Variants in GRXCR2 observed in about 807,000 individuals in gnomAD.
GRXCR2 encodes glutaredoxin and cysteine rich domain containing 2, also known as glutaredoxin domain-containing cysteine-rich protein 2.
GRXCR2 carries 23 observed loss-of-function variants against 24.8 expected under a neutral mutation model. That is an observed-to-expected ratio of 0.93 (90% CI 0.67 to 1.32). The LOEUF (loss-of-function observed/expected upper bound fraction) is 1.32, where lower values mean the gene tolerates loss of function less well. GRXCR2 is among the 40% of genes most tolerant of loss of function. The probability of loss-of-function intolerance (pLI) is 0.00; values close to 1 mark genes in which losing one functional copy is unlikely to be tolerated. For missense variants in GRXCR2, 315 were observed against 303.4 expected (o/e 1.04, Z -0.28); for synonymous variants, 130 against 116.1 (o/e 1.12, Z -0.77).
At chr5:145,904,484 C>CT (rs1335302892) in intron 2 of GRXCR2, among the ~76,000 whole-genome samples, 1 of 152,244 alleles carries the variant, frequency 6.6e-6, no homozygotes, top group East Asian at 1.9e-4. Context: ...TCCTAACCCA[C>CT]TGAGGAGGTA....
intron 1 of GRXCR2, 70 bp from the exon 2 acceptor site, chr5:145,866,798 C>T: frequency 1.0e-6 from 1 of 956,252 alleles, no homozygotes; most frequent in Non-Finnish European, 1.7e-6. Flanking sequence ...AGAACCTGTC[C>T]AACATACCAG....
intron 2 of GRXCR2, among the ~76,000 whole-genome samples, chr5:145,906,396 C>T (rs752286811): frequency 4.6e-5 from 7 of 151,922 alleles, no homozygotes; most frequent in Admixed American, 1.3e-4. Context: ...CATTGCTTAT[C>T]CGATAGCATG....
intron 2 of GRXCR2, among the ~76,000 whole-genome samples, chr5:145,903,104 G>A (rs1757045613): frequency 6.6e-6 from 1 of 152,126 alleles, no homozygotes; most frequent in African/African-American, 2.4e-5. Flanking sequence ...ATTGTGCCTA[G>A]CCCCCTAAAA....
At chr5:145,883,322 G>C (rs1299159930) in intron 2 of GRXCR2, among the ~76,000 whole-genome samples, 1 of 152,146 alleles carries the variant, frequency 6.6e-6, no homozygotes, top group Non-Finnish European at 1.5e-5. Flanking sequence ...TTTCCATAAT[G>C]AGCAAGTACT....
intron 2 of GRXCR2, among the ~76,000 whole-genome samples, chr5:145,920,662 G>A (rs552368940): frequency 6.6e-6 from 1 of 152,304 alleles, no homozygotes; most frequent in East Asian, 1.9e-4. Flanking sequence ...TCGTTCCTAT[G>A]GAAACCAGAA....
chr5:145,915,286 T>C (rs959089057), intron 2 of GRXCR2, among the ~76,000 whole-genome samples: 2 of 152,178 alleles, frequency 1.3e-5, no homozygotes, highest in African/African-American at 4.8e-5. Flanking sequence ...TTTTGGGTAG[T>C]GTTAATCAGT....
chr5:145,889,046 C>T (rs762168451), intron 2 of GRXCR2, among the ~76,000 whole-genome samples: 2 of 151,662 alleles, frequency 1.3e-5, no homozygotes, highest in African/African-American at 2.4e-5. Context: ...TGGTGGCAGG[C>T]GCCTGTAATC....
chr5:145,872,287 G>A (rs566461889), intron 1 of GRXCR2, among the ~76,000 whole-genome samples: 2 of 152,238 alleles, frequency 1.3e-5, no homozygotes, highest in African/African-American at 2.4e-5. Flanking sequence ...GAAACAAAAT[G>A]ACTGCATAAT....
downstream of GRXCR2, among the ~76,000 whole-genome samples, chr5:145,857,733 G>A (rs1756262016): frequency 6.6e-6 from 1 of 152,184 alleles, no homozygotes; most frequent in Non-Finnish European, 1.5e-5. Flanking sequence ...AGAAGCTGAG[G>A]TTGCTCACAC....
intron 2 of GRXCR2, among the ~76,000 whole-genome samples, chr5:145,915,414 G>T (rs1757222720): frequency 1.3e-5 from 2 of 152,136 alleles, no homozygotes; most frequent in Non-Finnish European, 2.9e-5. Flanking sequence ...AAAAACCAGA[G>T]ATTATTCTCC....
Position 145,890,684 on chromosome 5 carries a change from C to A in GRXCR2, c.-69-23956G>T, listed in dbSNP as rs542989365. ...CACAAAAACACAGCTAAACACATAG[C>A]CTGCAGACCCTGTAGAGCAAAAACA... On this transcript the variant is annotated intron_variant, in intron 2 of 3. Coordinates refer to the GRXCR2 transcript ENST00000639411. Among the ~76,000 whole-genome samples, 8 of 152,144 alleles carry A rather than the reference C, an allele frequency of 5.3e-5. No individual in the cohort carries two copies. The South Asian group carries it at 1.7e-3, about 32-fold the overall frequency.
At chr5:145,926,387 C>T (rs943026415) in intron 2 of GRXCR2, among the ~76,000 whole-genome samples, 1 of 152,108 alleles carries the variant, frequency 6.6e-6, no homozygotes, top group African/African-American at 2.4e-5. Context: ...TTTAATCCAT[C>T]TTGAATTAAT....
intron 2 of GRXCR2, among the ~76,000 whole-genome samples, chr5:145,861,058 C>T (rs1025047984): frequency 6.6e-6 from 1 of 151,834 alleles, no homozygotes; most frequent in Admixed American, 6.6e-5. Context: ...AGATCGAAAC[C>T]TGCTAAATTC....
chr5:145,904,296 G>A lies in GRXCR2; in HGVS notation c.-70+31405C>T, dbSNP rs535419660. Among the ~76,000 whole-genome samples the A allele has an allele frequency of 2.0e-5, 3 of 152,314 alleles. No homozygotes were observed. The South Asian group carries it at 6.2e-4, about 32-fold the overall frequency. On this transcript the variant is annotated intron_variant, in intron 2 of 3. Transcript: ENST00000639411. ...GAACCAGCATCGCTGAGGAAACATG[G>A]GATGGTAGATCCAGAGTAGGGCCCA...
Position 145,858,613 on chromosome 5 carries a change from A to C in GRXCR2, c.*1120T>G, listed in dbSNP as rs1756279496. The C allele has an allele frequency of 6.6e-6, 1 of 152,250 alleles. No individual in the cohort carries two copies. Among genetic ancestry groups the C allele is most frequent in the Non-Finnish European group, 1.5e-5 (1 of 68,046 alleles). 9.4% of individuals were successfully genotyped at this position (152,250 alleles called of 1,614,324 possible). A position where few individuals can be genotyped will look rare whatever the true frequency, so the allele number is the denominator to read the frequency against. On this transcript the variant is annotated 3_prime_UTR_variant, in exon 3 of 3. Transcript: ENST00000377976. ...AACGCTGAATATTAGAGAATAACAA[A>C]CAAATCTTGAGAAATTATTAAGTTA...
chr5:145,876,204 TATATATATATATAC>T (rs1490369341), upstream of GRXCR2, among the ~76,000 whole-genome samples: 6 of 141,302 alleles, frequency 4.2e-5, no homozygotes, highest in East Asian at 4.1e-4. Flanking sequence ...TATATATATA[TATATATATATATAC>T]ACACACACAC....
chr5:145,877,636 A>T (rs1178387683), upstream of GRXCR2, among the ~76,000 whole-genome samples: 2 of 152,242 alleles, frequency 1.3e-5, no homozygotes, highest in Non-Finnish European at 2.9e-5. Context: ...TGCAGCTCCC[A>T]AAGTGATCAA....
chr5:145,890,785 T>C (rs1011998291), intron 2 of GRXCR2, among the ~76,000 whole-genome samples: 6 of 151,384 alleles, frequency 4.0e-5, no homozygotes, highest in Admixed American at 2.0e-4. Context: ...TAATTTTGAA[T>C]GCAGATGGTC....
At chr5:145,857,981 G>A (rs1756265843), downstream of GRXCR2, among the ~76,000 whole-genome samples, 1 of 152,090 alleles carries the variant, frequency 6.6e-6, no homozygotes, top group Non-Finnish European at 1.5e-5. Flanking sequence ...TGTATGCAGC[G>A]GGGCTCAAAC....
Sources: allele counts gnomAD v4.1 joint callset (sites outside exome capture counted in the v4.1 genomes callset), GRCh38; gene constraint gnomAD v4.1.1; transcripts MANE v1.5; gene names NCBI Gene and HGNC (gene_info 2026-07-23, HGNC 2026-07-21).